Variants in CDH13 observed in about 807,000 individuals in gnomAD.
The protein encoded by CDH13 is cadherin-13.
In CDH13, 24 loss-of-function variants were observed where a neutral mutation model predicts 63.8. That is an observed-to-expected ratio of 0.38 (90% confidence interval 0.27 to 0.53). The LOEUF is 0.53. Ranked by LOEUF, CDH13 falls within the 20% of genes least tolerant of loss-of-function variation. The pLI is 0.85. For missense variants in CDH13, 1,049 were observed against 903.1 expected (o/e 1.16, Z -2.07); for synonymous variants, 503 against 355.3 (o/e 1.42, Z -4.67).
In CDH13 at chr16:82,811,971, T is replaced by C. The variant is rs536832692; in HGVS notation, c.46-46391T>C. 2.6e-5 allele frequency among the ~76,000 whole-genome samples: 4 copies of C among 152,250 alleles called. No homozygotes were observed. In the South Asian group the frequency reaches 8.3e-4, roughly 32 times the overall value. On this transcript the variant is annotated intron_variant, in intron 1 of 13. Transcript: ENST00000567109. Reference sequence around the variant, plus strand: ...AATATTAAAAAGATATTGGGACACATGCATTTGGAATAGAGACATGAGTAG... The same window carrying C: ...AATATTAAAAAGATATTGGGACACACGCATTTGGAATAGAGACATGAGTAG...
chr16:83,119,224 C>G (rs2035452587), intron 3 of CDH13, among the ~76,000 whole-genome samples: 1 of 152,182 alleles, frequency 6.6e-6, no homozygotes, highest in Admixed American at 6.5e-5. Flanking sequence ...TTTCTGTGGC[C>G]TTTGCTGAAA....
intron 1 of CDH13, among the ~76,000 whole-genome samples, chr16:82,739,906 G>T (rs918494108): frequency 6.6e-6 from 1 of 152,124 alleles, no homozygotes; most frequent in Non-Finnish European, 1.5e-5. Context: ...AACTCTTGGT[G>T]TTGGCTACCT....
chr16:83,299,292 GAAA>G (rs11308841), intron 5 of CDH13, among the ~76,000 whole-genome samples: 28 of 143,230 alleles, frequency 2.0e-4, no homozygotes, highest in Admixed American at 2.1e-4. Flanking sequence ...ATCAGGCCAT[GAAA>G]AAAAAAAAAA....
intron 1 of CDH13, among the ~76,000 whole-genome samples, chr16:82,656,072 G>T (rs16958022): frequency 6.6e-6 from 1 of 152,150 alleles, no homozygotes; most frequent in East Asian, 1.9e-4. Context: ...CTCTGATTTC[G>T]ATTTGGAAGT....
intron 6 of CDH13, among the ~76,000 whole-genome samples, chr16:83,376,900 G>T (rs1230881084): frequency 1.3e-5 from 2 of 152,172 alleles, no homozygotes; most frequent in Non-Finnish European, 2.9e-5. Context: ...CGTTCACTCT[G>T]ATAGAAGCCA....
intron 2 of CDH13, among the ~76,000 whole-genome samples, chr16:82,944,347 T>C (rs1160143473): frequency 1.3e-5 from 2 of 152,214 alleles, no homozygotes; most frequent in Non-Finnish European, 2.9e-5. Context: ...ACCGATACTG[T>C]GTGTCTGTAG....
rs556568702 is a variant in CDH13, at chr16:83,163,545, C to A, written c.483+38044C>A. Among the ~76,000 whole-genome samples, 132 of 152,264 alleles carry A rather than the reference C, an allele frequency of 8.7e-4. 2 individuals carry two copies. The highest frequency in any genetic ancestry group is 1.5e-3 in the Non-Finnish European group (100 of 68,012). On this transcript the variant is annotated intron_variant, in intron 4 of 13. Coordinates refer to ENST00000567109, the MANE Select transcript of CDH13 (RefSeq NM_001257.5). Reference sequence around the variant, plus strand: ...GCCATTGGCACTCACCCATGTCCAGCCCCGTTCCTCCTGGGCACACAGAAA... The same window carrying A: ...GCCATTGGCACTCACCCATGTCCAGACCCGTTCCTCCTGGGCACACAGAAA...
rs564254291 is a variant in CDH13 at position 83,082,570 on chromosome 16, G to A, written c.367-42815G>A. ...ATAGGAGGATTGACTGAACCCGGGA[G>A]GCAGAGGTTGCAGTGAGCCAAGACC... On this transcript the variant is annotated intron_variant, in intron 3 of 13. Transcript: ENST00000567109. Among the ~76,000 whole-genome samples, 19 of 152,308 alleles carry A rather than the reference G, an allele frequency of 1.2e-4. No individual in the cohort carries two copies. In the South Asian group the frequency reaches 3.9e-3, roughly 32 times the overall value.
chr16:82,802,921 A>G lies in CDH13; in HGVS notation c.46-55441A>G, dbSNP rs372445799. On this transcript the variant is annotated intron_variant, in intron 1 of 13. Transcript: ENST00000567109. ...CCTTTGCTGTCCTCCTTACTTTGAA[A>G]TAAATCCCACCCACTACGGTGTCCC... Among the ~76,000 whole-genome samples the G allele has an allele frequency of 3.9e-5, 6 of 152,296 alleles. No homozygotes were observed. The South Asian group carries it at 6.2e-4, about 16-fold the overall frequency.
chr16:83,648,045 T>C (rs2150814773), intron 8 of CDH13, among the ~76,000 whole-genome samples: 1 of 152,296 alleles, frequency 6.6e-6, no homozygotes, highest in South Asian at 2.1e-4. Context: ...CTTTTTTTGG[T>C]TCCCTGACTT....
intron 5 of CDH13, among the ~76,000 whole-genome samples, chr16:83,275,480 G>A (rs781546394): frequency 1.6e-4 from 25 of 152,166 alleles, no homozygotes; most frequent in Non-Finnish European, 2.2e-4. Flanking sequence ...TGCTCATGCA[G>A]GCTTCTTAGT....
chr16:83,471,919 C>A (rs1047625734), intron 6 of CDH13, among the ~76,000 whole-genome samples: 1 of 152,172 alleles, frequency 6.6e-6, no homozygotes, highest in Admixed American at 6.5e-5. Flanking sequence ...TACAAATCTA[C>A]TTCTATTTAG....
intron 6 of CDH13, among the ~76,000 whole-genome samples, chr16:83,387,538 C>A (rs1234139135): frequency 1.3e-5 from 2 of 152,122 alleles, no homozygotes; most frequent in African/African-American, 4.8e-5. Flanking sequence ...ATGAACTGAA[C>A]AAACCTCCTC....
Position 83,072,802 on chromosome 16 carries a change from C to T in CDH13, c.366+40584C>T, listed in dbSNP as rs183360262. Among the ~76,000 whole-genome samples, 8 of 152,248 alleles carry T rather than the reference C, an allele frequency of 5.3e-5. No homozygotes were observed. The East Asian group carries it at 1.4e-3, about 26-fold the overall frequency. On this transcript the variant is annotated intron_variant, in intron 3 of 13. Transcript: ENST00000567109. The stretch of plus-strand genomic sequence containing the variant: ...AGAAATGTAGAATCCCAGACCTTAC[C>T]CCAGATCTACTGAATCAGAGTCTGT...
chr16:82,916,189 A>C (rs2041981992), intron 2 of CDH13, among the ~76,000 whole-genome samples: 1 of 152,154 alleles, frequency 6.6e-6, no homozygotes, highest in East Asian at 1.9e-4. Context: ...TGCCATGCTT[A>C]AGATGCAATA....
intron 5 of CDH13, among the ~76,000 whole-genome samples, chr16:83,318,066 G>C (rs147390951): frequency 3.9e-5 from 6 of 152,274 alleles, no homozygotes; most frequent in African/African-American, 1.4e-4. Context: ...TGTGAAGTAG[G>C]GGTAATAATG....
At chr16:83,415,787 G>A (rs958824575) in intron 6 of CDH13, among the ~76,000 whole-genome samples, 3 of 152,088 alleles carry the variant, frequency 2.0e-5, no homozygotes, top group South Asian at 4.1e-4. Context: ...AAAGTCCATA[G>A]CTAACGTCAT....
intron 7 of CDH13, among the ~76,000 whole-genome samples, chr16:83,524,500 T>C (rs1470984950): frequency 1.6e-5 from 2 of 126,132 alleles, no homozygotes; most frequent in African/African-American, 3.0e-5. Context: ...TTGCCCAGGC[T>C]GGACTGCAGT....
intron 2 of CDH13, among the ~76,000 whole-genome samples, chr16:82,913,072 TA>T (rs1309436613): frequency 6.6e-6 from 1 of 152,184 alleles, no homozygotes; most frequent in African/African-American, 2.4e-5. Flanking sequence ...GGAATCTCAT[TA>T]TTTGCATTAA....
Sources: gnomAD v4.1 joint callset for allele counts (sites outside exome capture counted in the v4.1 genomes callset) on GRCh38, gnomAD v4.1.1 for gene constraint, MANE v1.5 for transcripts, NCBI Gene and HGNC (gene_info 2026-07-23, HGNC 2026-07-21) for gene names.